Variants in ZCCHC7 observed in about 807,000 individuals in gnomAD.
ZCCHC7 encodes the protein zinc finger CCHC domain-containing protein 7.
In ZCCHC7, 35 loss-of-function variants were observed where a neutral mutation model predicts 52.0. That is an observed-to-expected ratio of 0.67 (90% CI 0.51 to 0.89). The LOEUF (loss-of-function observed/expected upper bound fraction) is 0.89. Ranked by LOEUF, ZCCHC7 falls within the 40% of genes least tolerant of loss-of-function variation. The probability of loss-of-function intolerance (pLI) is 0.00; values close to 1 mark genes in which losing one functional copy is unlikely to be tolerated. For missense variants in ZCCHC7, 574 were observed against 649.1 expected (o/e 0.88, Z 1.26); for synonymous variants, 217 against 221.5 (o/e 0.98, Z 0.18).
chr9:37,135,556 T>A (rs1347389063), intron 2 of ZCCHC7, among the ~76,000 whole-genome samples: 2 of 152,236 alleles, frequency 1.3e-5, no homozygotes, highest in Non-Finnish European at 2.9e-5. Flanking sequence ...CTTCAGTATG[T>A]GTAATTTGGC....
At position 37,123,232 on chromosome 9, in the gene ZCCHC7, CGTGTGT is replaced by C. The variant is rs1414316782; in HGVS notation, c.-22+2614_-22+2619del. Among the ~76,000 whole-genome samples the C allele has an allele frequency of 2.3e-4, 28 of 123,546 alleles. No homozygotes were observed. The South Asian group carries it at 7.2e-3, about 32-fold the overall frequency. The allele number at this position is 123,546 out of a possible 152,430, so 81.1% of individuals were successfully genotyped here. ...GTGTGTGTGTGTGTGTGTGCGTGTG[CGTGTGT>C]GTGTAAAAAACATATATTGTCTTCC... On this transcript the variant is annotated intron_variant, in intron 1 of 8. Transcript: ENST00000336755.
chr9:37,344,611 A>G (rs116062506), intron 6 of ZCCHC7, among the ~76,000 whole-genome samples: 92 of 152,306 alleles, frequency 6.0e-4, no homozygotes, highest in African/African-American at 2.1e-3. Context: ...TTGTTATGAG[A>G]AAGGACCTTC....
In ZCCHC7 at chr9:37,230,227, G is replaced by A. The variant is rs149680656; in HGVS notation, c.611-71961G>A. Among the ~76,000 whole-genome samples, 305 of 152,248 alleles carry A rather than the reference G, an allele frequency of 2.0e-3. 1 individual carries two copies. The highest frequency in any genetic ancestry group is 3.4e-3 in the Non-Finnish European group (233 of 68,016). On this transcript the variant is annotated intron_variant, in intron 2 of 8. Coordinates refer to ENST00000336755, the MANE Select transcript of ZCCHC7 (RefSeq NM_032226.3). ...GTAAATAAATAAACCAGAAACAGTC[G>A]TTTATTATCAAGTATTATGTACTGT...
At chr9:37,154,311 A>G (rs1393939567) in intron 2 of ZCCHC7, among the ~76,000 whole-genome samples, 1 of 152,176 alleles carries the variant, frequency 6.6e-6, no homozygotes, top group Non-Finnish European at 1.5e-5. Flanking sequence ...GAAATAATGC[A>G]TGTGATGAAC....
intron 2 of ZCCHC7, among the ~76,000 whole-genome samples, chr9:37,131,184 C>CA (rs1564131753): frequency 1.3e-5 from 2 of 149,880 alleles, no homozygotes; most frequent in African/African-American, 2.5e-5. Flanking sequence ...ACTAAAAATA[C>CA]AAAAAATTAG....
At chr9:37,216,626 A>T (rs1054068171) in intron 2 of ZCCHC7, among the ~76,000 whole-genome samples, 1 of 152,206 alleles carries the variant, frequency 6.6e-6, no homozygotes. Flanking sequence ...GTGAGCCAAG[A>T]TCACACCATT....
rs554657760 is a variant in ZCCHC7 at position 37,301,045 on chromosome 9, C to T, written c.611-1143C>T. The stretch of plus-strand genomic sequence containing the variant: ...TGTTATAAAATACAGTGCTAAGAAC[C>T]TAACCCTATTAGTGAGATATTATTC... On this transcript the variant is annotated intron_variant, in intron 2 of 8. Coordinates refer to ENST00000336755, the MANE Select transcript of ZCCHC7 (RefSeq NM_032226.3). Among the ~76,000 whole-genome samples the T allele has an allele frequency of 1.6e-4, 24 of 152,162 alleles. 1 individual carries two copies. The South Asian group carries it at 4.8e-3, about 30-fold the overall frequency.
At chr9:37,142,803 A>G (rs1166936871) in intron 2 of ZCCHC7, among the ~76,000 whole-genome samples, 1 of 151,836 alleles carries the variant, frequency 6.6e-6, no homozygotes, top group Non-Finnish European at 1.5e-5. Context: ...AGAAACTTGA[A>G]TAACCTAAAA....
intron 2 of ZCCHC7, among the ~76,000 whole-genome samples, chr9:37,190,727 C>A (rs1588455325): frequency 6.6e-6 from 1 of 152,184 alleles, no homozygotes; most frequent in Middle Eastern, 3.4e-3. Flanking sequence ...TTTAAGAATA[C>A]ATGCATTAGG....
intron 5 of ZCCHC7, among the ~76,000 whole-genome samples, chr9:37,312,027 A>C (rs1464189706): frequency 2.0e-5 from 3 of 152,236 alleles, no homozygotes; most frequent in Non-Finnish European, 4.4e-5. Flanking sequence ...TTATTTAAGA[A>C]ACAGGTATTT....
At chr9:37,301,523 C>T (rs888702913) in intron 2 of ZCCHC7, among the ~76,000 whole-genome samples, 3 of 152,096 alleles carry the variant, frequency 2.0e-5, no homozygotes, top group Non-Finnish European at 4.4e-5. Flanking sequence ...TTGCTTAAGC[C>T]TGGGAGGCGG....
intron 4 of ZCCHC7, among the ~76,000 whole-genome samples, chr9:37,304,906 C>T (rs1026695805): frequency 4.6e-5 from 7 of 152,146 alleles, no homozygotes; most frequent in African/African-American, 1.4e-4. Flanking sequence ...ATTCCTGAGA[C>T]CCCTTTCACT....
chr9:37,238,450 C>G (rs890273084), intron 2 of ZCCHC7, among the ~76,000 whole-genome samples: 1 of 151,858 alleles, frequency 6.6e-6, no homozygotes, highest in Non-Finnish European at 1.5e-5. Context: ...TATATTTTAA[C>G]TGTTTGGTTT....
chr9:37,352,726 A>T (rs1015932654), intron 7 of ZCCHC7, among the ~76,000 whole-genome samples: 11 of 148,802 alleles, frequency 7.4e-5, no homozygotes, highest in Non-Finnish European at 5.9e-5. Flanking sequence ...GGGTTTCACC[A>T]TGTTGGCCAT....
At chr9:37,216,712 T>C (rs1028779714) in intron 2 of ZCCHC7, among the ~76,000 whole-genome samples, 9 of 152,090 alleles carry the variant, frequency 5.9e-5, no homozygotes, top group African/African-American at 2.2e-4. Context: ...GTGTATCTTA[T>C]AGGGAGAGCA....
At chr9:37,245,914 G>A (rs1017456402) in intron 2 of ZCCHC7, among the ~76,000 whole-genome samples, 1 of 152,084 alleles carries the variant, frequency 6.6e-6, no homozygotes, top group Non-Finnish European at 1.5e-5. Flanking sequence ...AAAGGTAATG[G>A]AGAATAGTGA....
At chr9:37,310,038 A>G (rs1160343540) in intron 5 of ZCCHC7, among the ~76,000 whole-genome samples, 5 of 152,192 alleles carry the variant, frequency 3.3e-5, no homozygotes, top group African/African-American at 9.6e-5. Flanking sequence ...GAGAATTTGT[A>G]GTGAAAACTG....
chr9:37,128,848 A>G (rs1842646930), intron 2 of ZCCHC7, among the ~76,000 whole-genome samples: 1 of 152,248 alleles, frequency 6.6e-6, no homozygotes, highest in African/African-American at 2.4e-5. Context: ...TTGGAGCAAG[A>G]TGACAGAAAC....
chr9:37,150,628 G>A (rs1256264740), intron 2 of ZCCHC7, among the ~76,000 whole-genome samples: 2 of 152,112 alleles, frequency 1.3e-5, no homozygotes, highest in Non-Finnish European at 2.9e-5. Flanking sequence ...CACCCAGAAG[G>A]CATTGCATCA....
Sources: gnomAD v4.1 joint callset for allele counts (sites outside exome capture counted in the v4.1 genomes callset) on GRCh38, gnomAD v4.1.1 for gene constraint, MANE v1.5 for transcripts, NCBI Gene and HGNC (gene_info 2026-07-23, HGNC 2026-07-21) for gene names.